The following EFHB variants were observed in gnomAD, a reference collection of about 807,000 sequenced individuals.
EFHB encodes EF-hand domain-containing family member B.
Under a neutral mutation model 87.2 loss-of-function variants are expected in EFHB, and 91 were observed. That is an observed-to-expected ratio of 1.04 (90% CI 0.88 to 1.24). EFHB has a LOEUF of 1.24. Among genes scored for constraint, EFHB ranks in the 50% most tolerant of loss-of-function variants. The probability of loss-of-function intolerance (pLI) is 0.00; values close to 1 mark genes in which losing one functional copy is unlikely to be tolerated. For synonymous variants in EFHB, 325 were observed against 333.6 expected (o/e 0.97, Z 0.28); for missense variants, 1,084 against 998.8 (o/e 1.09, Z -1.15).
chr3:19,882,834 G>A, intron 11 of EFHB, 103 bp from the exon 12 acceptor site: 1 of 1,063,610 alleles, frequency 9.4e-7, no homozygotes. Flanking sequence ...AATGTAGCTA[G>A]GAAGAATTTT....
chr3:19,900,286 A>G (rs1355128959), intron 6 of EFHB, among the ~76,000 whole-genome samples: 1 of 152,122 alleles, frequency 6.6e-6, no homozygotes, highest in East Asian at 1.9e-4. Flanking sequence ...ATTTAGCATC[A>G]AATAAATAAA....
chr3:19,916,590 G>C (rs963650608), intron 4 of EFHB, among the ~76,000 whole-genome samples: 1 of 152,072 alleles, frequency 6.6e-6, no homozygotes, highest in Admixed American at 6.6e-5. Flanking sequence ...AGGTACCAGG[G>C]AAATCACTGG....
chr3:19,929,009 T>A (rs2929354), intron 1 of EFHB, among the ~76,000 whole-genome samples: 1 of 151,854 alleles, frequency 6.6e-6, no homozygotes. Flanking sequence ...GGAGCAATTT[T>A]CAATCTAATT....
At chr3:19,900,138 G>T (rs1208857635) in intron 6 of EFHB, among the ~76,000 whole-genome samples, 2 of 152,122 alleles carry the variant, frequency 1.3e-5, no homozygotes, top group Non-Finnish European at 2.9e-5. Flanking sequence ...ATCAGGCCAG[G>T]CACAGTGGTT....
At chr3:19,929,319 A>G (rs769944839) in intron 1 of EFHB, among the ~76,000 whole-genome samples, 6 of 152,056 alleles carry the variant, frequency 3.9e-5, no homozygotes, top group Middle Eastern at 3.4e-3. Flanking sequence ...GATTATAGGC[A>G]TGAGCCACCA....
At position 19,896,776 on chromosome 3, in the gene EFHB, C is replaced by T; in HGVS notation, c.1636G>A (p.Ala546Thr). Residue 546 changes from alanine (A) to threonine (T), a missense_variant, in exon 9 of 13, where the codon GCC becomes ACC. Physicochemically the swap from Ala to Thr is moderately conservative, Grantham distance 58. Coordinates refer to ENST00000295824, the MANE Select transcript of EFHB (RefSeq NM_144715.4). ...TGATGCCGAACTGCTGCAATCAGGG[C>T]TCGCTGTCTATCCTTGCCTCGAAGA... ...EYLRGKDRQRALIAAVRHHLK... is the reference protein window; with the variant it reads ...EYLRGKDRQRTLIAAVRHHLK... 6.2e-7 allele frequency: 1 copy of T among 1,614,018 alleles called. No individual in the cohort carries two copies. Among genetic ancestry groups the T allele is most frequent in the Non-Finnish European group, 8.5e-7 (1 of 1,179,900 alleles).
intron 1 of EFHB, among the ~76,000 whole-genome samples, chr3:19,930,672 T>C (rs1172444348): frequency 1.3e-5 from 2 of 152,204 alleles, no homozygotes; most frequent in African/African-American, 2.4e-5. Context: ...AGTGGTGTGA[T>C]CATAGCTCAC....
chr3:19,924,380 A>G (rs530135501), intron 1 of EFHB, among the ~76,000 whole-genome samples: 41 of 151,662 alleles, frequency 2.7e-4, no homozygotes, highest in Non-Finnish European at 5.2e-4. Flanking sequence ...CGCCCGGCTA[A>G]TTTTTGTATT....
At position 19,919,959 on chromosome 3, in the gene EFHB, T is replaced by C. The variant is rs1291519258; in HGVS notation, c.870A>G (p.Glu290=). ...EKLPRLITPP[E]AKKYFNFRYP... Reference sequence around the variant, plus strand: ...ATCTGAAGTTGAAATACTTTTTTGCTTCAGGTGGAGTAATTAGCTACAAAG... The same window carrying C: ...ATCTGAAGTTGAAATACTTTTTTGCCTCAGGTGGAGTAATTAGCTACAAAG... Residue 290 remains glutamate, a synonymous_variant, in exon 3 of 13, where the codon GAA becomes GAG. Coordinates refer to ENST00000295824, the MANE Select transcript of EFHB (RefSeq NM_144715.4). The C allele has an allele frequency of 1.2e-6, 2 of 1,613,570 alleles. No homozygotes were observed. The highest frequency in any genetic ancestry group is 2.2e-5 in the East Asian group (1 of 44,824).
chr3:19,897,437 C>A (rs957356457), intron 8 of EFHB, among the ~76,000 whole-genome samples: 5 of 152,192 alleles, frequency 3.3e-5, no homozygotes. Flanking sequence ...CTAGAGTTGA[C>A]CATGCTGCTC....
At chr3:19,935,387 A>G (rs1695987545), upstream of EFHB, among the ~76,000 whole-genome samples, 1 of 152,150 alleles carries the variant, frequency 6.6e-6, no homozygotes, top group East Asian at 1.9e-4. Context: ...TGTTCTACAC[A>G]TATAGGATAT....
At chr3:19,920,407 G>C in intron 2 of EFHB, 98 bp downstream of exon 2, 1 of 1,018,338 alleles carries the variant, frequency 9.8e-7, no homozygotes, top group Non-Finnish European at 1.5e-6. Context: ...ACCACATTAA[G>C]TTTATACCAC....
chr3:19,894,000 C>T (rs939864396), intron 9 of EFHB, among the ~76,000 whole-genome samples: 2 of 152,206 alleles, frequency 1.3e-5, no homozygotes, highest in African/African-American at 4.8e-5. Flanking sequence ...CAAATCTATA[C>T]ATCCTTAATT....
intron 12 of EFHB, among the ~76,000 whole-genome samples, chr3:19,880,529 G>A (rs1574984337): frequency 6.6e-6 from 1 of 152,102 alleles, no homozygotes; most frequent in African/African-American, 2.4e-5. Flanking sequence ...TGGGATTACA[G>A]GCATGAGCCT....
chr3:19,886,807 C>A (rs1426993417), intron 10 of EFHB, among the ~76,000 whole-genome samples: 1 of 151,238 alleles, frequency 6.6e-6, no homozygotes, highest in African/African-American at 2.4e-5. Context: ...TAAAACCTCA[C>A]AGACTTAGCT....
At chr3:19,895,224 G>A (rs1026986801) in intron 9 of EFHB, among the ~76,000 whole-genome samples, 5 of 151,628 alleles carry the variant, frequency 3.3e-5, no homozygotes, top group Admixed American at 6.6e-5. Context: ...GCTCAAGCCC[G>A]TAATCCCAGC....
rs187928358 is a variant in EFHB, at chr3:19,890,299, C to T, written c.1726-1648G>A. Among the ~76,000 whole-genome samples the T allele has an allele frequency of 2.3e-3, 345 of 152,252 alleles. 1 individual carries two copies. The highest frequency in any genetic ancestry group is 4.1e-3 in the Admixed American group (62 of 15,292). ...CTCCCCCAAGCCCTGATCTCATCCG[C>T]TTTAGGGAGAAAGATGATTAGAAGT... is the stretch of plus-strand genomic sequence containing the variant. On this transcript the variant is annotated intron_variant, in intron 9 of 12. Coordinates refer to ENST00000295824, the MANE Select transcript of EFHB (RefSeq NM_144715.4).
In EFHB at chr3:19,934,183, A is replaced by G; in HGVS notation, c.-165T>C. 1 of 1,440,800 alleles carries G rather than the reference A, an allele frequency of 6.9e-7. No homozygotes were observed. The highest frequency in any genetic ancestry group is 9.0e-7 in the Non-Finnish European group (1 of 1,105,478). The allele number at this position is 1,440,800 out of a possible 1,614,324, so 89.3% of individuals were successfully genotyped here. A position where few individuals can be genotyped will look rare whatever the true frequency, so the allele number is the denominator to read the frequency against. On this transcript the variant is annotated 5_prime_UTR_variant, in exon 1 of 13. Transcript: ENST00000295824. The stretch of plus-strand genomic sequence containing the variant: ...CATTGCTTCCTGCCTGCCTCTTAAC[A>G]CCTAGCCGAGTTCACAGAGGAAAAG...
chr3:19,930,242 A>C (rs1347829799), intron 1 of EFHB, among the ~76,000 whole-genome samples: 1 of 152,206 alleles, frequency 6.6e-6, no homozygotes. Context: ...AATCAAAATA[A>C]ATATTTTAAC....
Sources: gnomAD v4.1 joint callset for allele counts (sites outside exome capture counted in the v4.1 genomes callset) on GRCh38, gnomAD v4.1.1 for gene constraint, MANE v1.5 for transcripts, NCBI Gene and HGNC (gene_info 2026-07-23, HGNC 2026-07-21) for gene names.